SLC35F1: variants seen among roughly 807,000 people sequenced by gnomAD.
SLC35F1 encodes the protein solute carrier family 35 member F1.
In SLC35F1, 14 loss-of-function variants were observed where a neutral mutation model predicts 48.7. That is an observed-to-expected ratio of 0.29 (90% confidence interval 0.19 to 0.45). The LOEUF (loss-of-function observed/expected upper bound fraction) is 0.45. Among genes scored for constraint, SLC35F1 ranks in the 20% least tolerant of loss-of-function variants. The pLI is 1.00. For missense variants in SLC35F1, 404 were observed against 500.0 expected, an observed-to-expected ratio of 0.81 and a Z score of 1.83; for synonymous variants, 190 against 202.2, an observed-to-expected ratio of 0.94 and a Z score of 0.51.
At chr6:118,024,226 C>A (rs1481522664) in intron 1 of SLC35F1, among the ~76,000 whole-genome samples, 1 of 152,144 alleles carries the variant, frequency 6.6e-6, no homozygotes, top group African/African-American at 2.4e-5. Context: ...ACCACTCCTA[C>A]GGCATCCCAA....
At chr6:117,976,167 G>A (rs1019080405) in intron 1 of SLC35F1, among the ~76,000 whole-genome samples, 15 of 152,126 alleles carry the variant, frequency 9.9e-5, no homozygotes, top group Non-Finnish European at 2.1e-4. Context: ...CTTCCCTCAT[G>A]GTGAAATAAC....
At chr6:117,948,464 T>C (rs948906110) in intron 1 of SLC35F1, among the ~76,000 whole-genome samples, 3 of 152,198 alleles carry the variant, frequency 2.0e-5, no homozygotes, top group African/African-American at 7.2e-5. Flanking sequence ...TTATCTACTT[T>C]TCTTCTGGTG....
chr6:118,189,502 A>G (rs1774703496), intron 2 of SLC35F1, among the ~76,000 whole-genome samples: 1 of 152,184 alleles, frequency 6.6e-6, no homozygotes, highest in Non-Finnish European at 1.5e-5. Flanking sequence ...GTCTTACTAT[A>G]TATTTTAGAT....
At chr6:117,960,629 G>A (rs1453886065) in intron 1 of SLC35F1, among the ~76,000 whole-genome samples, 2 of 152,120 alleles carry the variant, frequency 1.3e-5, no homozygotes, top group Non-Finnish European at 2.9e-5. Flanking sequence ...AAAGAAAAGC[G>A]ATTTATCTGG....
At chr6:117,995,439 A>G (rs1582606479) in intron 1 of SLC35F1, among the ~76,000 whole-genome samples, 1 of 152,218 alleles carries the variant, frequency 6.6e-6, no homozygotes, top group East Asian at 1.9e-4. Flanking sequence ...TATTGAATGA[A>G]TGAAGCCATG....
At chr6:117,990,480 T>C (rs1371351304) in intron 1 of SLC35F1, among the ~76,000 whole-genome samples, 1 of 152,196 alleles carries the variant, frequency 6.6e-6, no homozygotes, top group Non-Finnish European at 1.5e-5. Context: ...ATTATTTCAA[T>C]AATTTCAAAA....
Position 118,109,267 on chromosome 6 carries a change from C to A in SLC35F1, c.174-45178C>A, listed in dbSNP as rs140445306. 6.6e-3 allele frequency among the ~76,000 whole-genome samples: 1,010 copies of A among 152,264 alleles called. 8 individuals are homozygous for A. Among genetic ancestry groups the A allele is most frequent in the Middle Eastern group, 0.014 (4 of 294 alleles). On this transcript the variant is annotated intron_variant, in intron 1 of 7. Coordinates refer to ENST00000360388, the MANE Select transcript of SLC35F1 (RefSeq NM_001029858.4). The stretch of plus-strand genomic sequence containing the variant: ...GGAGCATATAGAAAAATGTAGGTGT[C>A]TAAAGGTTTATAATTATGCCAGCCC...
chr6:117,922,406 A>G (rs1437472274), intron 1 of SLC35F1, among the ~76,000 whole-genome samples: 1 of 152,242 alleles, frequency 6.6e-6, no homozygotes, highest in African/African-American at 2.4e-5. Flanking sequence ...AATTAGATTT[A>G]TATCATTTGC....
intron 2 of SLC35F1, among the ~76,000 whole-genome samples, chr6:118,199,457 A>G (rs1175799805): frequency 6.6e-6 from 1 of 152,242 alleles, no homozygotes; most frequent in Admixed American, 6.5e-5. Context: ...TGAACGTGTC[A>G]TGATTAATTA....
intron 2 of SLC35F1, among the ~76,000 whole-genome samples, chr6:118,197,302 A>G (rs1357928576): frequency 6.6e-6 from 1 of 151,818 alleles, no homozygotes; most frequent in Non-Finnish European, 1.5e-5. Context: ...CCTAAGAGAT[A>G]TCTTTGACTC....
At position 118,004,042 on chromosome 6, in the gene SLC35F1, C is replaced by T. The variant is rs372638402; in HGVS notation, c.173+96143C>T. Among the ~76,000 whole-genome samples the T allele has an allele frequency of 3.9e-5, 6 of 152,180 alleles. No individual in the cohort carries two copies. The East Asian group carries it at 5.8e-4, about 15-fold the overall frequency. ...CAAAATGCAAGTGAAAGTAACTTAC[C>T]AATGTAAGTCACTAAGATATTGTTA... On this transcript the variant is annotated intron_variant, in intron 1 of 7. Coordinates refer to ENST00000360388, the MANE Select transcript of SLC35F1 (RefSeq NM_001029858.4).
intron 1 of SLC35F1, among the ~76,000 whole-genome samples, chr6:118,112,356 A>C (rs1773419715): frequency 6.6e-6 from 1 of 152,122 alleles, no homozygotes; most frequent in Non-Finnish European, 1.5e-5. Flanking sequence ...CTTTTCTCAC[A>C]AACCCTTGTA....
rs562892757 is a variant in SLC35F1 at position 118,077,513 on chromosome 6, CA to C, written c.174-76931del. ...GATAAAATCCTATCAATCAAATATT[CA>C]TTTTTTAAAGACACATTTTTGTCTA... On this transcript the variant is annotated intron_variant, in intron 1 of 7. Transcript: ENST00000360388. Among the ~76,000 whole-genome samples the C allele has an allele frequency of 1.6e-3, 238 of 152,316 alleles. 3 individuals are homozygous for C. Among genetic ancestry groups the C allele is most frequent in the African/African-American group, 5.6e-3 (232 of 41,572 alleles).
chr6:118,031,042 ACACAGG>A (rs1052668252), intron 1 of SLC35F1, among the ~76,000 whole-genome samples: 4 of 152,150 alleles, frequency 2.6e-5, no homozygotes, highest in African/African-American at 9.7e-5. Context: ...CCCTCTCCCC[ACACAGG>A]CACAGCCTCC....
At chr6:118,212,784 AAGGAAGGAAAGAAGGAAG>A (rs1775022797) in intron 2 of SLC35F1, among the ~76,000 whole-genome samples, 1 of 150,614 alleles carries the variant, frequency 6.6e-6, no homozygotes, top group South Asian at 2.1e-4. Flanking sequence ...GGAAGGAAGG[AAGGAAGGAAAGAAGGAAG>A]GGCACTTATC....
chr6:118,275,326 G>C (rs552677136), intron 4 of SLC35F1, 133 bp from the exon 5 acceptor site: 3 of 969,786 alleles, frequency 3.1e-6, no homozygotes, highest in South Asian at 3.7e-5. Flanking sequence ...CTAAATCTCA[G>C]TTGGAAATTG....
At chr6:117,929,284 CA>C (rs1776069130) in intron 1 of SLC35F1, among the ~76,000 whole-genome samples, 1 of 152,040 alleles carries the variant, frequency 6.6e-6, no homozygotes, top group South Asian at 2.1e-4. Flanking sequence ...TCTTCCCTGG[CA>C]ATACTCATTG....
At chr6:118,006,764 T>C (rs1006760735) in intron 1 of SLC35F1, among the ~76,000 whole-genome samples, 2 of 152,028 alleles carry the variant, frequency 1.3e-5, no homozygotes, top group Non-Finnish European at 2.9e-5. Flanking sequence ...GTACACACAA[T>C]AAAAAGTAAA....
chr6:117,908,900 G>A (rs1445138653), intron 1 of SLC35F1, among the ~76,000 whole-genome samples: 1 of 152,156 alleles, frequency 6.6e-6, no homozygotes, highest in Non-Finnish European at 1.5e-5. Flanking sequence ...GCATTGTGTT[G>A]GGTAGCAGAG....
Sources: allele counts gnomAD v4.1 joint callset (sites outside exome capture counted in the v4.1 genomes callset), GRCh38; gene constraint gnomAD v4.1.1; transcripts MANE v1.5; gene names NCBI Gene and HGNC (gene_info 2026-07-23, HGNC 2026-07-21).